Variants in MAGI1 observed in about 807,000 individuals in gnomAD.
The protein encoded by MAGI1 is membrane associated guanylate kinase, WW and PDZ domain containing 1.
In MAGI1, 58 loss-of-function variants were observed where a neutral mutation model predicts 139.9. The ratio of observed to expected loss-of-function variants is 0.41; its 90% confidence interval spans 0.34 to 0.52. The LOEUF is 0.52. Among genes scored for constraint, MAGI1 ranks in the 20% least tolerant of loss-of-function variants. The probability of loss-of-function intolerance (pLI) is 0.12; values close to 1 mark genes in which losing one functional copy is unlikely to be tolerated. For missense variants in MAGI1, 1,874 were observed against 1,901.6 expected, an observed-to-expected ratio of 0.99 and a Z score of 0.27; for synonymous variants, 812 against 737.9, an observed-to-expected ratio of 1.10 and a Z score of -1.63.
chr3:65,573,107 T>C (rs534900578), intron 2 of MAGI1, among the ~76,000 whole-genome samples: 3 of 150,530 alleles, frequency 2.0e-5, no homozygotes, highest in African/African-American at 7.4e-5. Flanking sequence ...TTGTGTTTGA[T>C]ATTCATTCCT....
rs778476779 is a variant in MAGI1, at chr3:65,356,652, C to A, written c.4115G>T (p.Arg1372Leu). The A allele has an allele frequency of 6.3e-6, 10 of 1,583,184 alleles. No homozygotes were observed. In the South Asian group the frequency reaches 8.1e-5, roughly 13 times the overall value. ...CTGCTCCAGGAGTCTCTCCAGAGAC[C>A]GTCTCCGCCGGCTGGGGGAGCCGTC... ...RRDGSPSRRRRSLERLLEQRR... is the reference protein window; with the variant it reads ...RRDGSPSRRRLSLERLLEQRR... Residue 1372 changes from arginine to leucine, a missense_variant, in exon 23 of 23, where the codon CGG (arginine) becomes CTG (leucine). Coordinates refer to ENST00000402939, the MANE Select transcript of MAGI1 (RefSeq NM_001033057.2).
At chr3:65,499,984 T>A (rs762990926) in intron 2 of MAGI1, among the ~76,000 whole-genome samples, 1 of 152,086 alleles carries the variant, frequency 6.6e-6, no homozygotes, top group Non-Finnish European at 1.5e-5. Context: ...TAAGACCTGA[T>A]TCTTGGATAT....
intron 1 of MAGI1, among the ~76,000 whole-genome samples, chr3:65,809,016 A>G (rs2041052220): frequency 6.6e-6 from 1 of 152,218 alleles, no homozygotes; most frequent in African/African-American, 2.4e-5. Context: ...AATCTAAAGT[A>G]CAGACATTTA....
chr3:65,978,061 T>C (rs2065355170), intron 1 of MAGI1, among the ~76,000 whole-genome samples: 1 of 152,194 alleles, frequency 6.6e-6, no homozygotes, highest in South Asian at 2.1e-4. Context: ...TTCACTCACA[T>C]GCCTATTACG....
intron 1 of MAGI1, among the ~76,000 whole-genome samples, chr3:65,655,220 G>A (rs189548653): frequency 3.9e-5 from 6 of 152,232 alleles, no homozygotes; most frequent in East Asian, 1.9e-4. Context: ...AGACAGAGAC[G>A]TAGAGCGGAG....
chr3:65,531,874 C>T (rs1332752173), intron 2 of MAGI1, among the ~76,000 whole-genome samples: 3 of 152,156 alleles, frequency 2.0e-5, no homozygotes, highest in Non-Finnish European at 2.9e-5. Context: ...CACTAAAGTG[C>T]TTCAAATGGT....
chr3:65,703,407 G>A (rs955587549), intron 1 of MAGI1, among the ~76,000 whole-genome samples: 26 of 152,160 alleles, frequency 1.7e-4, no homozygotes, highest in Non-Finnish European at 4.4e-5. Context: ...AAAAAAAATT[G>A]TCTAAGAATA....
At chr3:65,905,127 T>C (rs971211564) in intron 1 of MAGI1, among the ~76,000 whole-genome samples, 5 of 152,224 alleles carry the variant, frequency 3.3e-5, no homozygotes, top group African/African-American at 4.8e-5. Context: ...TCTGATTTAA[T>C]TGATATTAAA....
chr3:65,673,855 T>C (rs1214033794), intron 1 of MAGI1, among the ~76,000 whole-genome samples: 1 of 152,214 alleles, frequency 6.6e-6, no homozygotes, highest in Admixed American at 6.5e-5. Flanking sequence ...TAAAAGCTTA[T>C]CTACTCAAGT....
intron 1 of MAGI1, among the ~76,000 whole-genome samples, chr3:65,744,688 T>C (rs964738593): frequency 2.0e-5 from 3 of 148,534 alleles, no homozygotes; most frequent in African/African-American, 7.3e-5. Context: ...GGAAATGTTT[T>C]TGTTTTCTGT....
rs933055173 is a variant in MAGI1, at chr3:65,595,685, C to T, written c.430+26287G>A. ...ATTCCACGTCTCTCTAGCACAAACA[C>T]AACAAATCCAAACACCAAACCTCAA... On this transcript the variant is annotated intron_variant, in intron 2 of 22. Transcript: ENST00000402939. 2.0e-5 allele frequency among the ~76,000 whole-genome samples: 3 copies of T among 152,078 alleles called. No homozygotes were observed. The South Asian group carries it at 6.2e-4, about 31-fold the overall frequency.
intron 22 of MAGI1, chr3:65,360,915 C>T (rs1940789564): frequency 1.0e-5 from 14 of 1,370,974 alleles, no homozygotes; most frequent in East Asian, 2.7e-5. Flanking sequence ...TACAAACAAA[C>T]ATTCCTTCGC....
At position 65,531,043 on chromosome 3, in the gene MAGI1, G is replaced by A. The variant is rs569902457; in HGVS notation, c.431-37412C>T. Among the ~76,000 whole-genome samples, 27 of 151,728 alleles carry A rather than the reference G, an allele frequency of 1.8e-4. No individual in the cohort carries two copies. The South Asian group carries it at 5.6e-3, about 32-fold the overall frequency. On this transcript the variant is annotated intron_variant, in intron 2 of 22. Transcript: ENST00000402939. ...ATGAGAATTAAATGACATAAGTCAT[G>A]TGTAATGCTTAACAAAGTGCCTGGC...
intron 1 of MAGI1, among the ~76,000 whole-genome samples, chr3:65,799,617 T>G (rs2040389722): frequency 6.6e-6 from 1 of 152,130 alleles, no homozygotes; most frequent in South Asian, 2.1e-4. Context: ...ACTATAGAAT[T>G]TGGTACTATT....
intron 1 of MAGI1, among the ~76,000 whole-genome samples, chr3:65,996,092 T>C (rs2066433816): frequency 6.6e-6 from 1 of 152,172 alleles, no homozygotes. Context: ...ACAAATTAAA[T>C]TGGAATCTAC....
intron 4 of MAGI1, among the ~76,000 whole-genome samples, chr3:65,471,334 C>G (rs1950549501): frequency 6.6e-6 from 1 of 152,198 alleles, no homozygotes; most frequent in African/African-American, 2.4e-5. Context: ...GGCTTTAAAA[C>G]TGAATAATCA....
chr3:65,985,008 T>G (rs1222527477), intron 1 of MAGI1, among the ~76,000 whole-genome samples: 1 of 152,224 alleles, frequency 6.6e-6, no homozygotes, highest in African/African-American at 2.4e-5. Flanking sequence ...TAACTCTCCA[T>G]CCAGTTCTCT....
At chr3:65,875,459 C>A (rs1033164907) in intron 1 of MAGI1, among the ~76,000 whole-genome samples, 1 of 152,066 alleles carries the variant, frequency 6.6e-6, no homozygotes, top group South Asian at 2.1e-4. Context: ...TAAATGACTA[C>A]GAAATTTACA....
chr3:65,963,123 G>A (rs1415155394), intron 1 of MAGI1, among the ~76,000 whole-genome samples: 1 of 148,074 alleles, frequency 6.8e-6, no homozygotes, highest in Non-Finnish European at 1.5e-5. Context: ...CTGAGCTTAG[G>A]AGTTCGAAAA....
Sources: gnomAD v4.1 joint callset for allele counts (sites outside exome capture counted in the v4.1 genomes callset) on GRCh38, gnomAD v4.1.1 for gene constraint, MANE v1.5 for transcripts, NCBI Gene and HGNC (gene_info 2026-07-23, HGNC 2026-07-21) for gene names.